The following MTNAP1 variants were observed in gnomAD, a reference collection of about 807,000 sequenced individuals.
The protein encoded by MTNAP1 is mitochondrial nucleoid-associated protein 1.
the MTNAP1 span, chr17:73,245,337 T>C: frequency 2.2e-6 from 3 of 1,386,224 alleles, no homozygotes; most frequent in Non-Finnish European, 2.8e-6. Flanking sequence ...ATTATTGGAA[T>C]CTAAAATAAT....
At chr17:73,242,168 A>G in the MTNAP1 span, 2 of 932,810 alleles carry the variant, frequency 2.1e-6, no homozygotes, top group African/African-American at 1.7e-5. Flanking sequence ...TTAGCCGTGG[A>G]TCCTTCGGCA....
At chr17:73,247,305 G>T in the MTNAP1 span, 1 of 1,614,198 alleles carries the variant, frequency 6.2e-7, no homozygotes, top group Admixed American at 1.7e-5. Flanking sequence ...TGGCGAAGAC[G>T]ACTGGGGATT....
chr17:73,235,888 A>G, the MTNAP1 span: 1 of 1,614,138 alleles, frequency 6.2e-7, no homozygotes, highest in South Asian at 1.1e-5. Flanking sequence ...CCAAGAAGAA[A>G]CCAAGGCTCA....
chr17:73,235,127 C>T, the MTNAP1 span, among the ~76,000 whole-genome samples: 3 of 151,530 alleles, frequency 2.0e-5, no homozygotes, highest in Non-Finnish European at 2.9e-5. Context: ...GAGGCTGAGA[C>T]GAGAATTGCT....
the MTNAP1 span, chr17:73,235,922 C>G: frequency 6.2e-7 from 1 of 1,614,194 alleles, no homozygotes; most frequent in Admixed American, 1.7e-5. Flanking sequence ...GAGAAAACCT[C>G]TCCTAAAAGA....
the MTNAP1 span, among the ~76,000 whole-genome samples, chr17:73,239,575 A>G: frequency 1.3e-5 from 2 of 148,242 alleles, no homozygotes; most frequent in African/African-American, 2.5e-5. Flanking sequence ...CTGGAGTGCA[A>G]TGGCACAATC....
the MTNAP1 span, chr17:73,247,094 T>C: frequency 3.0e-6 from 2 of 677,710 alleles, no homozygotes; most frequent in African/African-American, 3.6e-5. Flanking sequence ...TGTTTTTGTA[T>C]GTAGTCAAAA....
chr17:73,242,323 A>G, the MTNAP1 span: 8 of 1,602,898 alleles, frequency 5.0e-6, no homozygotes, highest in Admixed American at 1.0e-4. Context: ...ACTTCTCTCT[A>G]ATGAGGCTCT....
chr17:73,245,202 A>G, the MTNAP1 span: 1 of 1,613,622 alleles, frequency 6.2e-7, no homozygotes, highest in Non-Finnish European at 8.5e-7. Context: ...GTTGACCTGG[A>G]CATCACTTAA....
the MTNAP1 span, chr17:73,237,039 GCT>G: frequency 1.3e-6 from 2 of 1,481,976 alleles, no homozygotes; most frequent in Non-Finnish European, 1.8e-6. Flanking sequence ...CATCCAAAAT[GCT>G]CTCTCTGCCT....
the MTNAP1 span, among the ~76,000 whole-genome samples, chr17:73,239,685 AT>A: frequency 0.058 from 8,384 of 145,232 alleles, 257 homozygotes; most frequent in Middle Eastern, 0.09. Context: ...CGCCCAGCTA[AT>A]TTTTTTTTTT....
chr17:73,247,611 A>C, the MTNAP1 span: 1 of 363,008 alleles, frequency 2.8e-6, no homozygotes, highest in Non-Finnish European at 5.1e-6. Flanking sequence ...TTTAATGAGA[A>C]TAGAACTATT....
At chr17:73,244,848 G>GT in the MTNAP1 span, 1 of 230,464 alleles carries the variant, frequency 4.3e-6, no homozygotes, top group South Asian at 8.1e-5. Context: ...GCCATCTCTT[G>GT]TATCAGACAC....
the MTNAP1 span, chr17:73,243,077 A>G: frequency 3.9e-5 from 17 of 438,578 alleles, no homozygotes; most frequent in Middle Eastern, 6.9e-4. Flanking sequence ...GATTCTCTGA[A>G]TTTTTTTTTT....
the MTNAP1 span, chr17:73,235,498 C>A: frequency 6.2e-7 from 1 of 1,610,544 alleles, no homozygotes. Context: ...TGATAATCCA[C>A]CCAGAATGGA....
the MTNAP1 span, chr17:73,248,016 GT>G: frequency 0.038 from 5,959 of 157,086 alleles, 307 homozygotes; most frequent in African/African-American, 0.12. Context: ...TAAGAGCGTT[GT>G]TGAGGTAAAC....
chr17:73,243,463 G>GT, the MTNAP1 span, among the ~76,000 whole-genome samples: 1 of 151,562 alleles, frequency 6.6e-6, no homozygotes, highest in African/African-American at 2.4e-5. Flanking sequence ...AGGCTCCGGG[G>GT]TTTTATTAGA....
chr17:73,247,313 A>G, the MTNAP1 span: 1 of 1,614,156 alleles, frequency 6.2e-7, no homozygotes, highest in Non-Finnish European at 8.5e-7. Flanking sequence ...ACGACTGGGG[A>G]TTGCCGCTCT....
chr17:73,241,106 TAAA>T, the MTNAP1 span, among the ~76,000 whole-genome samples: 2 of 152,220 alleles, frequency 1.3e-5, no homozygotes, highest in African/African-American at 4.8e-5. Flanking sequence ...TTACCTGTCA[TAAA>T]ACATGGAGAA....
Sources: allele counts gnomAD v4.1 joint callset (sites outside exome capture counted in the v4.1 genomes callset), GRCh38; gene constraint gnomAD v4.1.1; transcripts MANE v1.5; gene names NCBI Gene and HGNC (gene_info 2026-07-23, HGNC 2026-07-21).